AMY2B: variants seen among roughly 807,000 people sequenced by gnomAD.
AMY2B encodes amylase alpha 2B.
A neutral mutation model predicts 59.3 loss-of-function variants in AMY2B; 63 were observed. The ratio of observed to expected loss-of-function variants is 1.06; its 90% confidence interval spans 0.87 to 1.31. The LOEUF (loss-of-function observed/expected upper bound fraction) is 1.31. Ranked by LOEUF, AMY2B falls within the 50% of genes most tolerant of loss-of-function variation. The pLI is 0.00. For missense variants in AMY2B, 635 were observed against 626.7 expected, an observed-to-expected ratio of 1.01 and a Z score of -0.14; for synonymous variants, 180 against 198.1, an observed-to-expected ratio of 0.91 and a Z score of 0.77.
chr1:103,573,729 G>C lies in AMY2B; in HGVS notation c.535G>C (p.Gly179Arg). 2 of 1,613,642 alleles carry C rather than the reference G, an allele frequency of 1.2e-6. No individual in the cohort carries two copies. The highest frequency in any genetic ancestry group is 1.7e-6 in the Non-Finnish European group (2 of 1,179,640). ...ACAGGTCAGAGATTGTCGTCTGGTT[G>C]GTCTTCTTGATCTTGCACTGGAGAA... ...ATQVRDCRLV[G>R]LLDLALEKDY... Residue 179 changes from glycine (G) to arginine (R), a missense_variant, in exon 4 of 10, where the codon GGT (glycine) becomes CGT (arginine). Coordinates refer to ENST00000684275, the MANE Select transcript of AMY2B (RefSeq NM_001387437.1).
chr1:103,572,241 A>G lies in AMY2B; in HGVS notation c.300A>G (p.Arg100=), dbSNP rs768365327. 6.2e-7 allele frequency: 1 copy of G among 1,611,282 alleles called. No homozygotes were observed. The highest frequency in any genetic ancestry group is 8.5e-7 in the Non-Finnish European group (1 of 1,179,432). ...NEDEFRNMVT[R]CNNVGVRIYV... is the part of the protein sequence containing the mutation. ...ATGAATTTAGAAACATGGTGACTAG[A>G]TGTAACAATGTTGGGGTAAGTGAAT... The change falls in exon 2 of 10, where the codon AGA becomes AGG. Residue 100 remains arginine (R), a synonymous_variant. Coordinates refer to ENST00000684275, the MANE Select transcript of AMY2B (RefSeq NM_001387437.1).
chr1:103,556,352 GA>G (rs1158300256), intron 1 of AMY2B, among the ~76,000 whole-genome samples: 1 of 152,010 alleles, frequency 6.6e-6, no homozygotes, highest in Non-Finnish European at 1.5e-5. Flanking sequence ...ACATTTAAGA[GA>G]AAGATAATAA....
At chr1:103,564,354 C>T (rs1192068159) in intron 1 of AMY2B, among the ~76,000 whole-genome samples, 3 of 152,094 alleles carry the variant, frequency 2.0e-5, no homozygotes, top group Non-Finnish European at 4.4e-5. Flanking sequence ...TCTGTCAACT[C>T]TTTACACCAT....
rs780789568 is a variant in AMY2B at position 103,572,216 on chromosome 1, A to G, written c.275A>G (p.Asp92Gly). ...YKLCTRSGNE[D>G]EFRNMVTRCN... ...TTATGCACAAGATCTGGAAATGAAG[A>G]TGAATTTAGAAACATGGTGACTAGA... Residue 92 changes from aspartate to glycine, a missense_variant, in exon 2 of 10, where the codon GAT becomes GGT. Coordinates refer to ENST00000684275, the MANE Select transcript of AMY2B (RefSeq NM_001387437.1). 1.4e-5 allele frequency: 22 copies of G among 1,611,512 alleles called. No homozygotes were observed. Among genetic ancestry groups the G allele is most frequent in the Admixed American group, 3.3e-5 (2 of 59,992 alleles).
chr1:103,561,676 A>G (rs899309633), intron 1 of AMY2B: 21 of 151,882 alleles, frequency 1.4e-4, no homozygotes, highest in Admixed American at 1.3e-3. Flanking sequence ...CCTATATATT[A>G]TAAATATAAA....
Position 103,573,814 on chromosome 1 carries a change from C to G in AMY2B, c.620C>G (p.Ala207Gly). 1 of 1,613,818 alleles carries G rather than the reference C, an allele frequency of 6.2e-7. No homozygotes were observed. The highest frequency in any genetic ancestry group is 8.5e-7 in the Non-Finnish European group (1 of 1,179,776). ...AATCATCTCATTGACATTGGTGTTG[C>G]AGGGTTCAGACTTGATGCTTCCAAG... ...YMNHLIDIGV[A>G]GFRLDASKHM... The change falls in exon 4 of 10, where the codon GCA becomes GGA. Residue 207 changes from alanine to glycine, a missense_variant. Coordinates refer to ENST00000684275, the MANE Select transcript of AMY2B (RefSeq NM_001387437.1).
chr1:103,569,672 A>C, upstream of AMY2B: 1 of 382,220 alleles, frequency 2.6e-6, no homozygotes, highest in Non-Finnish European at 5.3e-6. Flanking sequence ...CCCCGGCACC[A>C]GGGCATGATG....
chr1:103,575,586 A>T (rs1652322072), intron 7 of AMY2B, 46 bp downstream of exon 7: 3 of 1,607,070 alleles, frequency 1.9e-6, no homozygotes, highest in Non-Finnish European at 1.7e-6. Context: ...AAGAAACAGA[A>T]GGCAATCTTG....
intron 7 of AMY2B, chr1:103,575,776 GAA>G (rs371844100): frequency 1.2e-3 from 381 of 316,898 alleles, no homozygotes; most frequent in East Asian, 1.8e-3. Context: ...TAGCCCACAG[GAA>G]AAAAAAAAAA....
Position 103,577,747 on chromosome 1 carries a change from G to A in AMY2B, c.1248G>A (p.Val416=), listed in dbSNP as rs1652419170. The change falls in exon 9 of 10, where the codon GTG becomes GTA. Residue 416 remains valine, a synonymous_variant. Transcript: ENST00000684275. ...ACATGGTTAATTTCCGCAATGTAGT[G>A]GATGGCCAGCCTTTTACAAACTGGT... ...IRNMVNFRNV[V]DGQPFTNWYD... is the part of the protein sequence containing the mutation. 4.3e-6 allele frequency: 7 copies of A among 1,610,668 alleles called. No individual in the cohort carries two copies. Among genetic ancestry groups the A allele is most frequent in the Non-Finnish European group, 5.9e-6 (7 of 1,179,768 alleles).
In AMY2B at chr1:103,573,195, G is replaced by T; in HGVS notation, c.448G>T (p.Asp150Tyr). ...TCCAGCAGTCCCATATTCTGGATGG[G>T]ATTTTAATGATGGTAAATGTAAAAC... ...DFPAVPYSGW[D>Y]FNDGKCKTGS... The change falls in exon 3 of 10, where the codon GAT (aspartate) becomes TAT (tyrosine). Residue 150 changes from aspartate (D) to tyrosine (Y), a missense_variant. Asp to Tyr is a radical substitution (Grantham distance 160). Coordinates refer to ENST00000684275, the MANE Select transcript of AMY2B (RefSeq NM_001387437.1). 1 of 1,613,748 alleles carries T rather than the reference G, an allele frequency of 6.2e-7. No individual in the cohort carries two copies. Among genetic ancestry groups the T allele is most frequent in the Non-Finnish European group, 8.5e-7 (1 of 1,179,696 alleles).
chr1:103,558,176 T>A (rs753306159), intron 1 of AMY2B, among the ~76,000 whole-genome samples: 1 of 152,206 alleles, frequency 6.6e-6, no homozygotes, highest in Non-Finnish European at 1.5e-5. Flanking sequence ...GCAGAAAGAT[T>A]GTTTTACTTT....
chr1:103,570,749 A>G (rs1206799861), upstream of AMY2B: 3 of 502,404 alleles, frequency 6.0e-6, no homozygotes, highest in Non-Finnish European at 8.1e-6. Flanking sequence ...TGGCAAATGC[A>G]TACACCTCAT....
At chr1:103,577,946 T>G (rs1652430235) in intron 9 of AMY2B, 101 bp downstream of exon 9, 11 of 1,565,202 alleles carry the variant, frequency 7.0e-6, no homozygotes, top group Non-Finnish European at 9.4e-6. Context: ...AAAAATCATG[T>G]AGTCAGTGGA....
chr1:103,568,416 C>T (rs1333285602), upstream of AMY2B: 1 of 152,194 alleles, frequency 6.6e-6, no homozygotes, highest in East Asian at 1.9e-4. Flanking sequence ...AATCCTACTA[C>T]TATATGCACT....
At chr1:103,569,733 G>A, upstream of AMY2B, 1 of 407,602 alleles carries the variant, frequency 2.5e-6, no homozygotes, top group Non-Finnish European at 5.0e-6. Flanking sequence ...CTGAGAGCAA[G>A]CACAGTATCC....
At chr1:103,561,559 A>G (rs1042966581) in intron 1 of AMY2B, among the ~76,000 whole-genome samples, 9 of 152,152 alleles carry the variant, frequency 5.9e-5, no homozygotes, top group African/African-American at 1.7e-4. Context: ...ACCCAGCCCT[A>G]TGCCAATCGG....
chr1:103,574,334 T>C lies in AMY2B; in HGVS notation c.819T>C (p.Tyr273=). The C allele has an allele frequency of 3.1e-6, 5 of 1,611,786 alleles. No homozygotes were observed. Among genetic ancestry groups the C allele is most frequent in the Non-Finnish European group, 4.2e-6 (5 of 1,179,718 alleles). The change falls in exon 5 of 10, where the codon TAT becomes TAC. Residue 273 remains tyrosine, a synonymous_variant. Transcript: ENST00000684275. ...ATGGCCGGGTGACAGAATTCAAGTA[T>C]GGTGCAAAACTCGGCACAGTTATTC... The part of the protein sequence containing the change: ...FGNGRVTEFK[Y]GAKLGTVIRK...
intron 2 of AMY2B, 68 bp from the exon 3 acceptor site, chr1:103,572,995 T>G (rs1319174243): frequency 3.5e-5 from 57 of 1,610,502 alleles, no homozygotes; most frequent in Non-Finnish European, 4.7e-5. Context: ...ACTATAAACT[T>G]GAATCAATAA....
Sources: gnomAD v4.1 joint callset for allele counts (sites outside exome capture counted in the v4.1 genomes callset) on GRCh38, gnomAD v4.1.1 for gene constraint, MANE v1.5 for transcripts, NCBI Gene and HGNC (gene_info 2026-07-23, HGNC 2026-07-21) for gene names.